IL1RAPL1: variants seen among roughly 807,000 people sequenced by gnomAD.
IL1RAPL1 encodes the protein interleukin-1 receptor accessory protein-like 1.
Under a neutral mutation model 48.4 loss-of-function variants are expected in IL1RAPL1, and 3 were observed. That is an observed-to-expected ratio of 0.06 (90% confidence interval 0.03 to 0.16). The LOEUF is 0.16. Among genes scored for constraint, IL1RAPL1 ranks in the 10% least tolerant of loss-of-function variants. IL1RAPL1 has a pLI of 1.00. For synonymous variants in IL1RAPL1, 185 were observed against 187.7 expected (o/e 0.99, Z 0.12); for missense variants, 349 against 530.6 (o/e 0.66, Z 3.36).
chrX:29,140,877 C>T (rs1929229581), intron 2 of IL1RAPL1, among the ~76,000 whole-genome samples: 2 of 111,216 alleles, frequency 1.8e-5, no homozygotes, highest in South Asian at 7.6e-4. Context: ...ACCTGCTAAA[C>T]ACCCCATCTC....
chrX:29,950,960 G>A (rs1448333966), intron 9 of IL1RAPL1, among the ~76,000 whole-genome samples: 2 of 111,424 alleles, frequency 1.8e-5, no homozygotes, highest in Non-Finnish European at 1.9e-5. Flanking sequence ...TTACAGGCGT[G>A]AGCCACCACA....
chrX:28,695,528 A>G (rs1030394265), intron 1 of IL1RAPL1, among the ~76,000 whole-genome samples: 1 of 111,876 alleles, frequency 8.9e-6, no homozygotes. Flanking sequence ...CAAATTTCTT[A>G]CTTTCTGTTT....
intron 5 of IL1RAPL1, among the ~76,000 whole-genome samples, chrX:29,561,959 A>G (rs577032591): frequency 4.0e-4 from 45 of 111,619 alleles, no homozygotes; most frequent in African/African-American, 1.5e-3. Flanking sequence ...AGAGACAGTT[A>G]TGTTTTCATA....
intron 8 of IL1RAPL1, among the ~76,000 whole-genome samples, chrX:29,928,587 C>T (rs1932912715): frequency 1.8e-5 from 2 of 112,124 alleles, no homozygotes; most frequent in South Asian, 7.4e-4. Context: ...GTATTGAGTG[C>T]CAGCTATGGG....
intron 5 of IL1RAPL1, among the ~76,000 whole-genome samples, chrX:29,402,353 C>T (rs757492419): frequency 1.8e-5 from 2 of 111,408 alleles, no homozygotes; most frequent in Non-Finnish European, 3.8e-5. Context: ...TGTTGAGGCA[C>T]GTACTCCATG....
intron 2 of IL1RAPL1, among the ~76,000 whole-genome samples, chrX:28,957,893 A>G (rs1034145549): frequency 9.1e-6 from 1 of 110,257 alleles, no homozygotes; most frequent in Non-Finnish European, 1.9e-5. Flanking sequence ...CGGGAAGTGG[A>G]GGTTGCAGTG....
chrX:29,851,375 C>T (rs6526934), intron 6 of IL1RAPL1, among the ~76,000 whole-genome samples: 1 of 110,812 alleles, frequency 9.0e-6, no homozygotes, highest in African/African-American at 3.3e-5. Context: ...AAATATCGCC[C>T]GATTATATAG....
At chrX:29,719,503 C>T (rs1927574276) in intron 6 of IL1RAPL1, among the ~76,000 whole-genome samples, 1 of 110,404 alleles carries the variant, frequency 9.1e-6, no homozygotes, top group Non-Finnish European at 1.9e-5. Context: ...TTCTATTGGC[C>T]CCGCTAAAGA....
At chrX:29,229,943 A>G (rs977054185) in intron 2 of IL1RAPL1, among the ~76,000 whole-genome samples, 1 of 112,173 alleles carries the variant, frequency 8.9e-6, no homozygotes, top group Admixed American at 9.5e-5. Context: ...GTCACAGCAC[A>G]CTGCTATTTA....
At position 29,862,157 on chromosome X, in the gene IL1RAPL1, C is replaced by T. The variant is rs1375023441; in HGVS notation, c.779-55307C>T. ...CCTGGGCGACAGAGCAAGACCCTGT[C>T]TCAAAAAAAAAAAAAAAATAAGAAT... On this transcript the variant is annotated intron_variant, in intron 6 of 10. Coordinates refer to ENST00000378993, the MANE Select transcript of IL1RAPL1 (RefSeq NM_014271.4). 4.1e-5 allele frequency among the ~76,000 whole-genome samples: 4 copies of T among 98,553 alleles called. No individual in the cohort carries two copies. In the Admixed American group the frequency reaches 4.3e-4, roughly 11 times the overall value. 85.6% of individuals were successfully genotyped at this position (98,553 alleles called of 115,157 possible).
chrX:29,358,391 C>G (rs900431332), intron 3 of IL1RAPL1, among the ~76,000 whole-genome samples: 1 of 110,409 alleles, frequency 9.1e-6, no homozygotes, highest in Admixed American at 9.8e-5. Context: ...CTGTCTCTGT[C>G]TCTCTCTACG....
chrX:29,026,390 G>GTT (rs1424753127), intron 2 of IL1RAPL1, among the ~76,000 whole-genome samples: 1 of 111,126 alleles, frequency 9.0e-6, no homozygotes, highest in Admixed American at 9.7e-5. Context: ...TATAAATGTA[G>GTT]TTATTCACAC....
chrX:28,661,656 CA>C (rs1443632933), intron 1 of IL1RAPL1, among the ~76,000 whole-genome samples: 4 of 111,541 alleles, frequency 3.6e-5, no homozygotes, highest in Non-Finnish European at 7.5e-5. Context: ...TTCTTTCTAC[CA>C]TGAAACTCTA....
chrX:29,954,830 T>C (rs964048617), intron 10 of IL1RAPL1, 138 bp downstream of exon 10: 7 of 570,610 alleles, frequency 1.2e-5, no homozygotes, highest in African/African-American at 1.1e-4. Flanking sequence ...GAAACGTCTT[T>C]GTGTGTTCAC....
intron 5 of IL1RAPL1, among the ~76,000 whole-genome samples, chrX:29,475,570 C>G (rs1236317710): frequency 1.8e-5 from 2 of 112,007 alleles, no homozygotes; most frequent in East Asian, 5.6e-4. Flanking sequence ...ACCAATGAAT[C>G]TAATACCATT....
intron 2 of IL1RAPL1, among the ~76,000 whole-genome samples, chrX:29,128,889 G>A (rs922624725): frequency 3.6e-5 from 4 of 111,014 alleles, no homozygotes; most frequent in Non-Finnish European, 7.5e-5. Flanking sequence ...TTTATATTTG[G>A]TGCTGAGTCC....
intron 2 of IL1RAPL1, among the ~76,000 whole-genome samples, chrX:28,803,627 A>G (rs1601910541): frequency 8.9e-6 from 1 of 111,977 alleles, no homozygotes; most frequent in Admixed American, 9.5e-5. Flanking sequence ...CATGCTACCA[A>G]TGTTTTCAAA....
chrX:29,373,867 A>AT (rs59750110), intron 3 of IL1RAPL1, among the ~76,000 whole-genome samples: 739 of 21,582 alleles, frequency 0.034, 162 homozygotes, highest in African/African-American at 0.12. Context: ...TCTCTTTTTA[A>AT]TTTTTTTTTT....
At chrX:28,873,722 G>A (rs1272946960) in intron 2 of IL1RAPL1, among the ~76,000 whole-genome samples, 11 of 106,274 alleles carry the variant, frequency 1.0e-4, no homozygotes, top group East Asian at 9.0e-4. Flanking sequence ...TAGTAGAGAC[G>A]GGGTTTCACT....
Sources: allele counts gnomAD v4.1 joint callset (sites outside exome capture counted in the v4.1 genomes callset), GRCh38; gene constraint gnomAD v4.1.1; transcripts MANE v1.5; gene names NCBI Gene and HGNC (gene_info 2026-07-23, HGNC 2026-07-21).